Variants in EMCN observed in about 807,000 individuals in gnomAD.
The protein encoded by EMCN is endomucin.
EMCN carries 37 observed loss-of-function variants against 38.4 expected under a neutral mutation model. That is an observed-to-expected ratio of 0.96 (90% CI 0.74 to 1.27). EMCN has a LOEUF of 1.27. Among genes scored for constraint, EMCN ranks in the 50% most tolerant of loss-of-function variants. The pLI is 0.00. For synonymous variants in EMCN, 95 were observed against 100.8 expected (o/e 0.94, Z 0.35); for missense variants, 318 against 302.8 (o/e 1.05, Z -0.37).
intron 1 of EMCN, among the ~76,000 whole-genome samples, chr4:100,494,295 G>A (rs1385524422): frequency 1.3e-5 from 2 of 152,148 alleles, no homozygotes; most frequent in Non-Finnish European, 2.9e-5. Flanking sequence ...AAATAACTCT[G>A]CATGTTGTGG....
rs756501255 is a variant in EMCN at position 100,410,336 on chromosome 4, T to C, written c.771A>G (p.Gly257=). 48 of 1,613,778 alleles carry C rather than the reference T, an allele frequency of 3.0e-5. 1 individual carries two copies. Among genetic ancestry groups the C allele is most frequent in the South Asian group, 5.5e-5 (5 of 91,078 alleles). The part of the protein sequence containing the change: ...SHESGEHSAQ[G]KTKN ...CCTCAAGCTGTCAGTTCTTGGTTTT[T>C]CCTTGTGCAGAGTGCTCACCTGAGA... The change falls in exon 11 of 12, where the codon GGA becomes GGG. Residue 257 remains glycine, a synonymous_variant. Coordinates refer to ENST00000296420, the MANE Select transcript of EMCN (RefSeq NM_016242.4).
At chr4:100,464,539 G>T (rs1728264056) in intron 4 of EMCN, among the ~76,000 whole-genome samples, 1 of 151,988 alleles carries the variant, frequency 6.6e-6, no homozygotes, top group Non-Finnish European at 1.5e-5. Flanking sequence ...TTTTGTATAT[G>T]CCCTTTATCA....
intron 1 of EMCN, among the ~76,000 whole-genome samples, chr4:100,495,692 A>G (rs1383057516): frequency 2.0e-5 from 3 of 152,072 alleles, no homozygotes; most frequent in Non-Finnish European, 4.4e-5. Flanking sequence ...TGCTTTGTAT[A>G]ATTAAAATTT....
At chr4:100,414,830 A>G (rs1726668816) in intron 10 of EMCN, among the ~76,000 whole-genome samples, 1 of 152,198 alleles carries the variant, frequency 6.6e-6, no homozygotes, top group Middle Eastern at 3.2e-3. Context: ...AGCTTATTCA[A>G]CTGGGGAATT....
chr4:100,421,713 TTACA>T (rs1345239490), intron 7 of EMCN, among the ~76,000 whole-genome samples: 1 of 152,060 alleles, frequency 6.6e-6, no homozygotes, highest in East Asian at 1.9e-4. Context: ...CATTCACTCA[TTACA>T]TTTTTTAGTA....
intron 8 of EMCN, among the ~76,000 whole-genome samples, chr4:100,418,591 T>A (rs1037762783): frequency 2.6e-5 from 4 of 151,834 alleles, no homozygotes. Context: ...TCTAGCTCCA[T>A]GAGTTCAATT....
chr4:100,475,653 C>A (rs893722308), intron 2 of EMCN, among the ~76,000 whole-genome samples: 1 of 120,894 alleles, frequency 8.3e-6, no homozygotes, highest in South Asian at 2.7e-4. Flanking sequence ...GTATCCAATT[C>A]TAGTCCTTTT....
intron 1 of EMCN, among the ~76,000 whole-genome samples, chr4:100,484,612 G>C (rs1195315607): frequency 6.6e-6 from 1 of 151,930 alleles, no homozygotes; most frequent in Non-Finnish European, 1.5e-5. Flanking sequence ...TTTCCTCTTT[G>C]GGACGGCGGA....
chr4:100,425,149 G>GCACA (rs57293882), intron 5 of EMCN, among the ~76,000 whole-genome samples: 30,848 of 141,030 alleles, frequency 0.22, 3,770 homozygotes, highest in Non-Finnish European at 0.29. Flanking sequence ...TCTGAATCCA[G>GCACA]CACACACACA....
intron 5 of EMCN, among the ~76,000 whole-genome samples, chr4:100,435,053 G>T (rs1727311786): frequency 6.6e-6 from 1 of 152,040 alleles, no homozygotes; most frequent in Non-Finnish European, 1.5e-5. Context: ...AAGAAATAAA[G>T]ATATTCAAAT....
chr4:100,423,233 G>T, intron 6 of EMCN, 79 bp downstream of exon 6: 1 of 1,357,150 alleles, frequency 7.4e-7, no homozygotes, highest in Non-Finnish European at 1.1e-6. Context: ...GCTCTGTTTT[G>T]TGAGTCAAGA....
In EMCN at chr4:100,451,307, T is replaced by C. The variant is rs191977443; in HGVS notation, c.377-3736A>G. ...ATCTCTAGCAACACTCATGAAGTTGTGGGAAATATCAGGGTAAAATCTAGT... is the reference window on the plus strand; with the variant it reads ...ATCTCTAGCAACACTCATGAAGTTGCGGGAAATATCAGGGTAAAATCTAGT... On this transcript the variant is annotated intron_variant, in intron 4 of 11. Coordinates refer to ENST00000296420, the MANE Select transcript of EMCN (RefSeq NM_016242.4). Among the ~76,000 whole-genome samples, 512 of 151,960 alleles carry C rather than the reference T, an allele frequency of 3.4e-3. 6 individuals carry two copies. The highest frequency in any genetic ancestry group is 0.012 in the African/African-American group (483 of 41,536).
intron 9 of EMCN, 36 bp from the exon 10 acceptor site, chr4:100,415,995 G>C (rs768284037): frequency 3.0e-5 from 40 of 1,314,488 alleles, no homozygotes; most frequent in Non-Finnish European, 4.3e-5. Flanking sequence ...TAACACCACA[G>C]TAATCAGCAT....
chr4:100,419,844 T>C (rs1433257), intron 8 of EMCN, among the ~76,000 whole-genome samples: 21,267 of 151,974 alleles, frequency 0.14, 1,722 homozygotes, highest in African/African-American at 0.22. Flanking sequence ...TGAACTCTGC[T>C]GTTTTGGTCT....
intron 3 of EMCN, among the ~76,000 whole-genome samples, chr4:100,470,665 A>T (rs899866101): frequency 9.2e-5 from 14 of 152,058 alleles, no homozygotes; most frequent in African/African-American, 3.1e-4. Flanking sequence ...TGGATAAACA[A>T]TATATGGTAC....
chr4:100,503,839 T>C (rs1729410468), intron 1 of EMCN, among the ~76,000 whole-genome samples: 2 of 152,222 alleles, frequency 1.3e-5, no homozygotes, highest in Non-Finnish European at 2.9e-5. Context: ...TATCTAATTA[T>C]ATTAAACCCA....
chr4:100,434,770 A>T (rs1441528743), intron 5 of EMCN, among the ~76,000 whole-genome samples: 3 of 152,210 alleles, frequency 2.0e-5, no homozygotes, highest in Non-Finnish European at 2.9e-5. Context: ...ACTAAAGCCA[A>T]AAACCACACG....
intron 5 of EMCN, among the ~76,000 whole-genome samples, chr4:100,429,493 C>T (rs756383044): frequency 4.9e-4 from 74 of 152,030 alleles, no homozygotes; most frequent in Non-Finnish European, 5.6e-4. Flanking sequence ...AATTAATTCC[C>T]GCTCTCATCT....
chr4:100,414,255 G>C (rs889593147), intron 10 of EMCN, among the ~76,000 whole-genome samples: 8 of 149,994 alleles, frequency 5.3e-5, no homozygotes, highest in Non-Finnish European at 1.2e-4. Context: ...GCCACGGGCA[G>C]ATTCTGAGGT....
Sources: allele counts gnomAD v4.1 joint callset (sites outside exome capture counted in the v4.1 genomes callset), GRCh38; gene constraint gnomAD v4.1.1; transcripts MANE v1.5; gene names NCBI Gene and HGNC (gene_info 2026-07-23, HGNC 2026-07-21).